The following ENTPD6 variants were observed in gnomAD, a reference collection of about 807,000 sequenced individuals.
ENTPD6 encodes the protein CD39 antigen-like 2.
A neutral mutation model predicts 61.5 loss-of-function variants in ENTPD6; 46 were observed. The ratio of observed to expected loss-of-function variants is 0.75; its 90% CI spans 0.59 to 0.96. The LOEUF (loss-of-function observed/expected upper bound fraction) is 0.96. Ranked by LOEUF, ENTPD6 falls within the 40% of genes least tolerant of loss-of-function variation. The pLI is 0.00. For synonymous variants in ENTPD6, 252 were observed against 255.5 expected (o/e 0.99, Z 0.13); for missense variants, 612 against 629.0 (o/e 0.97, Z 0.29).
At chr20:25,213,720 C>T (rs2092131926) in intron 5 of ENTPD6, among the ~76,000 whole-genome samples, 1 of 152,164 alleles carries the variant, frequency 6.6e-6, no homozygotes. Flanking sequence ...GAGGCCAAGG[C>T]GGGCGAATCA....
intron 10 of ENTPD6, among the ~76,000 whole-genome samples, chr20:25,219,370 TTC>T: frequency 6.6e-6 from 1 of 152,312 alleles, no homozygotes; most frequent in Non-Finnish European, 1.5e-5. Context: ...GGGAAAGGTT[TTC>T]TCTCTCGCTC....
In ENTPD6 at chr20:25,227,113, G is replaced by A. The variant is rs547523434; in HGVS notation, c.*1516G>A. On this transcript the variant is annotated 3_prime_UTR_variant, in exon 15 of 15. Transcript: ENST00000376652. ...GAAACTGCAGACCAGCCCACATCCC[G>A]AGTGCTTGTGCCTGAAGCCCCCCCC... 1.5e-4 allele frequency among the ~76,000 whole-genome samples: 23 copies of A among 152,358 alleles called. No homozygotes were observed. Among genetic ancestry groups the A allele is most frequent in the African/African-American group, 5.0e-4 (21 of 41,596 alleles).
intron 12 of ENTPD6, 54 bp downstream of exon 12, chr20:25,223,032 G>GGGGGGGC: frequency 7.0e-7 from 1 of 1,431,078 alleles, no homozygotes; most frequent in Non-Finnish European, 9.6e-7. Context: ...GGGGGCGGGG[G>GGGGGGGC]TGGAGGGCGT....
chr20:25,226,484 G>T lies in ENTPD6; in HGVS notation c.*887G>T, dbSNP rs1006956168. ...ATGTCTTAGGTGCAGCTGTGCCACGGGTCAGCTGAGCCACAGTCCCAGAAC... is the reference window on the plus strand; with the variant it reads ...ATGTCTTAGGTGCAGCTGTGCCACGTGTCAGCTGAGCCACAGTCCCAGAAC... On this transcript the variant is annotated 3_prime_UTR_variant, in exon 15 of 15. Coordinates refer to ENST00000376652, the MANE Select transcript of ENTPD6 (RefSeq NM_001247.5). The T allele has an allele frequency of 3.9e-5, 6 of 152,824 alleles. No homozygotes were observed. In the East Asian group the frequency reaches 1.2e-3, roughly 30 times the overall value. 9.5% of individuals were successfully genotyped at this position (152,824 alleles called of 1,614,324 possible). A position where few individuals can be genotyped will look rare whatever the true frequency, so the allele number is the denominator to read the frequency against.
intron 10 of ENTPD6, among the ~76,000 whole-genome samples, chr20:25,220,221 C>G (rs537501890): frequency 5.9e-5 from 9 of 152,332 alleles, no homozygotes; most frequent in Non-Finnish European, 1.2e-4. Flanking sequence ...ACAGCAGTCG[C>G]GGCTGGAATC....
chr20:25,203,155 A>G (rs1164746525), intron 1 of ENTPD6, among the ~76,000 whole-genome samples: 2 of 152,046 alleles, frequency 1.3e-5, no homozygotes, highest in African/African-American at 4.8e-5. Context: ...TAACAGTGTT[A>G]TTGAGGATTC....
intron 1 of ENTPD6, among the ~76,000 whole-genome samples, chr20:25,199,237 C>CCAG (rs1411953610): frequency 2.6e-5 from 4 of 152,166 alleles, no homozygotes; most frequent in Non-Finnish European, 5.9e-5. Context: ...GGCAGAGCAG[C>CCAG]CAGCAGCACA....
At chr20:25,200,167 C>T (rs2090920073) in intron 1 of ENTPD6, among the ~76,000 whole-genome samples, 1 of 152,182 alleles carries the variant, frequency 6.6e-6, no homozygotes, top group African/African-American at 2.4e-5. Context: ...AGTGGCTGTC[C>T]TAATATATGA....
chr20:25,200,010 A>T (rs942218906), intron 1 of ENTPD6, among the ~76,000 whole-genome samples: 1 of 152,194 alleles, frequency 6.6e-6, no homozygotes, highest in Non-Finnish European at 1.5e-5. Flanking sequence ...TTGCTGAACC[A>T]TATGGTAGTT....
intron 5 of ENTPD6, among the ~76,000 whole-genome samples, chr20:25,214,241 G>A (rs375615081): frequency 6.6e-5 from 10 of 152,352 alleles, no homozygotes; most frequent in Admixed American, 2.6e-4. Context: ...CACAGGGCAC[G>A]CCTGTCAGGG....
Position 25,221,252 on chromosome 20 carries a change from G to A in ENTPD6, c.964G>A (p.Val322Ile). The A allele has an allele frequency of 6.2e-7, 1 of 1,613,946 alleles. No individual in the cohort carries two copies. The highest frequency in any genetic ancestry group is 1.1e-5 in the South Asian group (1 of 91,072). Residue 322 changes from valine to isoleucine, a missense_variant, in exon 11 of 15, where the codon GTC becomes ATC. Val to Ile is a conservative substitution (Grantham distance 29). Transcript: ENST00000376652. ...GQPAKDGKEL[V>I]SPCLSPSFKG... is the part of the protein sequence containing the mutation. ...TTCAGCTAAGGATGGAAAGGAGTTG[G>A]TCAGCCCTTGCTTGTCTCCCAGTTT...
chr20:25,224,093 T>C lies in ENTPD6; in HGVS notation c.1187-8T>C, dbSNP rs553012147. On this transcript the variant is annotated splice_polypyrimidine_tract_variant and splice_region_variant and intron_variant, in intron 12 of 14. Coordinates refer to ENST00000376652, the MANE Select transcript of ENTPD6 (RefSeq NM_001247.5). Reference sequence around the variant, plus strand: ...GCTCCTGCAGACTGGGTGTTGTGTCTCCCACAGATGCGGAGAAGGGAGGCA... The same window carrying C: ...GCTCCTGCAGACTGGGTGTTGTGTCCCCCACAGATGCGGAGAAGGGAGGCA... The C allele has an allele frequency of 6.2e-7, 1 of 1,611,194 alleles. No homozygotes were observed. The highest frequency in any genetic ancestry group is 1.3e-5 in the African/African-American group (1 of 74,988).
chr20:25,218,834 G>A (rs943645942), intron 10 of ENTPD6, among the ~76,000 whole-genome samples: 2 of 152,190 alleles, frequency 1.3e-5, no homozygotes, highest in Admixed American at 1.3e-4. Flanking sequence ...CACCCTGATG[G>A]GGCAGGAACC....
At chr20:25,206,397 GA>G in intron 1 of ENTPD6, 124 bp from the exon 2 acceptor site, 1 of 717,908 alleles carries the variant, frequency 1.4e-6, no homozygotes, top group East Asian at 2.7e-5. Context: ...AATGAAACTT[GA>G]ACAAATGCTT....
At position 25,226,873 on chromosome 20, in the gene ENTPD6, C is replaced by T. The variant is rs1487320963; in HGVS notation, c.*1276C>T. 1 of 152,490 alleles carries T rather than the reference C, an allele frequency of 6.6e-6. No homozygotes were observed. The highest frequency in any genetic ancestry group is 2.4e-5 in the African/African-American group (1 of 41,482). The allele number at this position is 152,490 out of a possible 1,614,324, so 9.4% of individuals were successfully genotyped here. On this transcript the variant is annotated 3_prime_UTR_variant, in exon 15 of 15. Transcript: ENST00000376652. Reference sequence around the variant, plus strand: ...CTCGAGGACACAGCAGTGGAGGGCCCCTGGGGGCTGGGGCTGGTGAAGGGT... The same window carrying T: ...CTCGAGGACACAGCAGTGGAGGGCCTCTGGGGGCTGGGGCTGGTGAAGGGT...
At chr20:25,206,719 C>T in intron 2 of ENTPD6, 129 bp downstream of exon 2, 1 of 764,066 alleles carries the variant, frequency 1.3e-6, no homozygotes, top group South Asian at 1.6e-5. Flanking sequence ...TTCCCATGAA[C>T]AGTTTGGGAA....
In ENTPD6 at chr20:25,208,716, A is replaced by G. The variant is rs188208596; in HGVS notation, c.377-1133A>G. Among the ~76,000 whole-genome samples, 3 of 152,334 alleles carry G rather than the reference A, an allele frequency of 2.0e-5. No homozygotes were observed. The East Asian group carries it at 5.8e-4, about 29-fold the overall frequency. On this transcript the variant is annotated intron_variant, in intron 3 of 14. Transcript: ENST00000376652. ...TAAAACACTCCATTTTTTAAAATGA[A>G]GAAAATACCCTAATCTTGAGAACCC... is the stretch of plus-strand genomic sequence containing the variant.
chr20:25,209,356 C>A (rs2091783841), intron 3 of ENTPD6, among the ~76,000 whole-genome samples: 1 of 151,602 alleles, frequency 6.6e-6, no homozygotes, highest in Non-Finnish European at 1.5e-5. Flanking sequence ...GTGATCTGCT[C>A]ACCTTGGCCT....
intron 9 of ENTPD6, among the ~76,000 whole-genome samples, chr20:25,217,996 TC>T (rs1292184124): frequency 2.8e-5 from 4 of 142,748 alleles, no homozygotes; most frequent in Non-Finnish European, 6.0e-5. Flanking sequence ...TCCCACCTCC[TC>T]TGTCCTCCTC....
Sources: allele counts gnomAD v4.1 joint callset (sites outside exome capture counted in the v4.1 genomes callset), GRCh38; gene constraint gnomAD v4.1.1; transcripts MANE v1.5; gene names NCBI Gene and HGNC (gene_info 2026-07-23, HGNC 2026-07-21).